Variants in CNTNAP2 observed in about 807,000 individuals in gnomAD.
The protein encoded by CNTNAP2 is contactin associated protein 2.
In CNTNAP2, 98 loss-of-function variants were observed where a neutral mutation model predicts 155.2. That is an observed-to-expected ratio of 0.63 (90% CI 0.54 to 0.75). The LOEUF is 0.75. CNTNAP2 is among the 30% of genes least tolerant of loss of function. CNTNAP2 has a pLI of 0.00. For synonymous variants in CNTNAP2, 651 were observed against 631.2 expected (o/e 1.03, Z -0.47); for missense variants, 1,727 against 1,688.1 (o/e 1.02, Z -0.40).
intron 8 of CNTNAP2, among the ~76,000 whole-genome samples, chr7:147,297,583 A>G (rs555102847): frequency 1.3e-5 from 2 of 152,324 alleles, no homozygotes; most frequent in South Asian, 4.1e-4. Flanking sequence ...AAAACCATGC[A>G]GATAATTCAC....
chr7:147,238,160 G>A lies in CNTNAP2; in HGVS notation c.1349-61981G>A, dbSNP rs577622720. On this transcript the variant is annotated intron_variant, in intron 8 of 23. Transcript: ENST00000361727. The stretch of plus-strand genomic sequence containing the variant: ...CTCCCGAGTAGCTGGGACTACAGGC[G>A]CCCGCCACCACGCCCGGCTAATTTT... Among the ~76,000 whole-genome samples, 23 of 152,184 alleles carry A rather than the reference G, an allele frequency of 1.5e-4. No homozygotes were observed. The East Asian group carries it at 2.5e-3, about 17-fold the overall frequency.
At chr7:147,198,232 C>CTGTTTTTTTTTTTTTTTTTTTT in intron 8 of CNTNAP2, among the ~76,000 whole-genome samples, 1 of 113,094 alleles carries the variant, frequency 8.8e-6, no homozygotes, top group Non-Finnish European at 1.7e-5. Context: ...TTCCAATATC[C>CTGTTTTTTTTTTTTTTTTTTTT]TTTTTTTTTT....
chr7:148,341,295 T>TA (rs1327801531), intron 21 of CNTNAP2, among the ~76,000 whole-genome samples: 24 of 149,548 alleles, frequency 1.6e-4, no homozygotes, highest in African/African-American at 5.9e-4. Context: ...ATTTTTTTTT[T>TA]AATCAGTAGC....
At chr7:146,380,515 A>C (rs1015142421) in intron 1 of CNTNAP2, among the ~76,000 whole-genome samples, 1 of 152,164 alleles carries the variant, frequency 6.6e-6, no homozygotes, top group African/African-American at 2.4e-5. Flanking sequence ...ACAATTACCA[A>C]AGATGTTTTG....
intron 1 of CNTNAP2, among the ~76,000 whole-genome samples, chr7:146,192,900 A>G (rs112889897): frequency 5.3e-5 from 8 of 152,306 alleles, no homozygotes; most frequent in African/African-American, 1.9e-4. Context: ...GATACAATGG[A>G]GGCACAGGCA....
intron 21 of CNTNAP2, among the ~76,000 whole-genome samples, chr7:148,274,574 T>C (rs1265050371): frequency 6.6e-6 from 1 of 152,164 alleles, no homozygotes; most frequent in African/African-American, 2.4e-5. Flanking sequence ...TGTTTAAGTA[T>C]GTAGCACCTC....
chr7:146,444,015 T>C (rs10274337), intron 1 of CNTNAP2, among the ~76,000 whole-genome samples: 5,188 of 152,218 alleles, frequency 0.034, 278 homozygotes, highest in African/African-American at 0.12. Context: ...AATTAGTTGG[T>C]ATTTATCATG....
intron 17 of CNTNAP2, among the ~76,000 whole-genome samples, chr7:148,153,660 C>T (rs941181055): frequency 1.2e-4 from 19 of 152,312 alleles, no homozygotes; most frequent in Admixed American, 1.2e-3. Flanking sequence ...ATGAACAATG[C>T]CAGGCTGGAT....
chr7:147,263,529 G>A (rs879447541), intron 8 of CNTNAP2, among the ~76,000 whole-genome samples: 17 of 152,166 alleles, frequency 1.1e-4, no homozygotes, highest in African/African-American at 1.9e-4. Context: ...AAAACAACAC[G>A]AACATCTCAG....
At chr7:146,483,305 A>ATATG (rs1201841468) in intron 1 of CNTNAP2, among the ~76,000 whole-genome samples, 2 of 84,204 alleles carry the variant, frequency 2.4e-5, no homozygotes, top group Non-Finnish European at 4.6e-5. Context: ...ATATATATAT[A>ATATG]TATATATATA....
Position 148,210,136 on chromosome 7 carries a change from C to G in CNTNAP2, c.3011-7152C>G, listed in dbSNP as rs1368146441. The stretch of plus-strand genomic sequence containing the variant: ...AAATAGAGGTTCAGGGTAGGGGGGC[C>G]TTTAAGATGAGAATGATTTAAAGCC... On this transcript the variant is annotated intron_variant, in intron 18 of 23. Transcript: ENST00000361727. 2.0e-5 allele frequency among the ~76,000 whole-genome samples: 3 copies of G among 152,148 alleles called. No individual in the cohort carries two copies. The East Asian group carries it at 5.8e-4, about 29-fold the overall frequency.
intron 16 of CNTNAP2, among the ~76,000 whole-genome samples, chr7:148,147,204 T>C (rs2116651811): frequency 6.6e-6 from 1 of 152,330 alleles, no homozygotes; most frequent in African/African-American, 2.4e-5. Flanking sequence ...GACTTCAGTC[T>C]CCTTATCTGG....
At chr7:147,333,503 A>G (rs151065991) in intron 9 of CNTNAP2, among the ~76,000 whole-genome samples, 6 of 152,348 alleles carry the variant, frequency 3.9e-5, no homozygotes, top group Non-Finnish European at 5.9e-5. Context: ...GAATCCTTTT[A>G]AACAACTTTC....
intron 1 of CNTNAP2, among the ~76,000 whole-genome samples, chr7:146,504,075 A>G (rs2129133843): frequency 6.6e-6 from 1 of 152,338 alleles, no homozygotes; most frequent in East Asian, 1.9e-4. Flanking sequence ...CGCCTGCACT[A>G]CAAACCCACT....
intron 11 of CNTNAP2, among the ~76,000 whole-genome samples, chr7:147,523,251 A>G (rs576839672): frequency 2.0e-5 from 3 of 152,296 alleles, no homozygotes; most frequent in African/African-American, 7.2e-5. Flanking sequence ...GAGCCTCGTC[A>G]TGGGGCTGAC....
At chr7:146,333,745 C>T (rs1249801186) in intron 1 of CNTNAP2, among the ~76,000 whole-genome samples, 7 of 152,154 alleles carry the variant, frequency 4.6e-5, no homozygotes, top group Non-Finnish European at 1.0e-4. Context: ...CTGGTACTTT[C>T]GGTTGGTAAC....
chr7:146,215,586 T>C (rs1799100302), intron 1 of CNTNAP2, among the ~76,000 whole-genome samples: 1 of 151,286 alleles, frequency 6.6e-6, no homozygotes. Context: ...AAACCATATA[T>C]ATTTTTATAT....
intron 13 of CNTNAP2, among the ~76,000 whole-genome samples, chr7:147,856,084 A>G (rs1047810038): frequency 5.3e-5 from 8 of 152,136 alleles, no homozygotes; most frequent in Non-Finnish European, 1.2e-4. Context: ...TGGATCACCA[A>G]GATAAATGCT....
intron 13 of CNTNAP2, among the ~76,000 whole-genome samples, chr7:147,708,804 C>A (rs79758157): frequency 6.6e-6 from 1 of 152,146 alleles, no homozygotes; most frequent in Non-Finnish European, 1.5e-5. Flanking sequence ...TTCTAATGTT[C>A]TTTCATAAAT....
Sources: allele counts gnomAD v4.1 joint callset (sites outside exome capture counted in the v4.1 genomes callset), GRCh38; gene constraint gnomAD v4.1.1; transcripts MANE v1.5; gene names NCBI Gene and HGNC (gene_info 2026-07-23, HGNC 2026-07-21).